AFAP1L2: variants seen among roughly 807,000 people sequenced by gnomAD.
The protein encoded by AFAP1L2 is actin filament associated protein 1 like 2.
A neutral mutation model predicts 99.3 loss-of-function variants in AFAP1L2; 46 were observed. The ratio of observed to expected loss-of-function variants is 0.46; its 90% confidence interval spans 0.37 to 0.59. The LOEUF (loss-of-function observed/expected upper bound fraction) is 0.59. Among genes scored for constraint, AFAP1L2 ranks in the 20% least tolerant of loss-of-function variants. AFAP1L2 has a pLI of 0.00. For missense variants in AFAP1L2, 959 were observed against 1,034.9 expected (o/e 0.93, Z 1.01); for synonymous variants, 397 against 419.1 (o/e 0.95, Z 0.64).
intron 5 of AFAP1L2, among the ~76,000 whole-genome samples, chr10:114,322,778 A>G (rs565056914): frequency 6.6e-6 from 1 of 152,338 alleles, no homozygotes; most frequent in South Asian, 2.1e-4. Context: ...GCTCAGACTC[A>G]GCCTGACCGC....
downstream of AFAP1L2, chr10:114,290,468 A>G: frequency 6.8e-7 from 1 of 1,468,296 alleles, no homozygotes; most frequent in Non-Finnish European, 9.2e-7. Flanking sequence ...ACATTCGTTC[A>G]GTGGAAGAAA....
intron 1 of AFAP1L2, among the ~76,000 whole-genome samples, chr10:114,394,917 G>A (rs1031737409): frequency 3.9e-5 from 6 of 152,080 alleles, no homozygotes; most frequent in Non-Finnish European, 7.4e-5. Flanking sequence ...ATCTGGAACC[G>A]TCACAGCACA....
chr10:114,384,332 C>CG (rs1320952376), intron 1 of AFAP1L2, among the ~76,000 whole-genome samples: 2 of 151,700 alleles, frequency 1.3e-5, no homozygotes. Flanking sequence ...CGTCCCCCCC[C>CG]CGCTGCAAGT....
At chr10:114,299,148 G>T in intron 16 of AFAP1L2, 112 bp downstream of exon 16, 1 of 1,345,878 alleles carries the variant, frequency 7.4e-7, no homozygotes, top group Non-Finnish European at 1.0e-6. Flanking sequence ...GGGTTGAAGG[G>T]GCCAGGGCCC....
At position 114,306,362 on chromosome 10, in the gene AFAP1L2, T is replaced by TCCAGGAGGGGAC. The variant is rs1564813061; in HGVS notation, c.1073-1433_1073-1432insGTCCCCTCCTGG. Among the ~76,000 whole-genome samples, 33 of 38,638 alleles carry TCCAGGAGGGGAC rather than the reference T, an allele frequency of 8.5e-4. No homozygotes were observed. In the Admixed American group the frequency reaches 8.7e-3, roughly 10 times the overall value. The allele number at this position is 38,638 out of a possible 152,430, so 25.3% of individuals were successfully genotyped here. A position where few individuals can be genotyped will look rare whatever the true frequency, so the allele number is the denominator to read the frequency against. On this transcript the variant is annotated intron_variant, in intron 10 of 18. Transcript: ENST00000304129. ...GAGGGGACGCGGGGGCAGGAGGGGATGCGGGGGCAGGAGGGCATGGGTGTC... is the reference window on the plus strand; with the variant it reads ...GAGGGGACGCGGGGGCAGGAGGGGATCCAGGAGGGGACGCGGGGGCAGGAGGGCATGGGTGTC...
downstream of AFAP1L2, among the ~76,000 whole-genome samples, chr10:114,292,577 G>T: frequency 6.7e-6 from 1 of 150,000 alleles, no homozygotes; most frequent in Non-Finnish European, 1.5e-5. Flanking sequence ...ATATTCTCTG[G>T]CAAACTAGAT....
chr10:114,302,167 G>C, intron 12 of AFAP1L2, 172 bp downstream of exon 12: 1 of 994,204 alleles, frequency 1.0e-6, no homozygotes. Context: ...CTCAGCTCCT[G>C]GCTCTTGGCC....
At chr10:114,327,800 A>ATC (rs1172977548) in intron 4 of AFAP1L2, among the ~76,000 whole-genome samples, 2 of 152,256 alleles carry the variant, frequency 1.3e-5, no homozygotes, top group Admixed American at 1.3e-4. Context: ...GGCTTAGACT[A>ATC]GACACAAGAG....
chr10:114,342,363 T>C (rs1360658096), intron 1 of AFAP1L2, among the ~76,000 whole-genome samples: 1 of 152,216 alleles, frequency 6.6e-6, no homozygotes, highest in Non-Finnish European at 1.5e-5. Flanking sequence ...CTGAGACACC[T>C]TCTCTGGGCC....
Position 114,340,451 on chromosome 10 carries a change from C to A in AFAP1L2, c.145+152G>T. 4.6e-6 allele frequency: 5 copies of A among 1,094,038 alleles called. No individual in the cohort carries two copies. The South Asian group carries it at 5.0e-5, about 11-fold the overall frequency. The allele number at this position is 1,094,038 out of a possible 1,614,324, so 67.8% of individuals were successfully genotyped here. A position where few individuals can be genotyped will look rare whatever the true frequency, so the allele number is the denominator to read the frequency against. The stretch of plus-strand genomic sequence containing the variant: ...CAGAAGGGACCAAACCTATTGATAC[C>A]TTGATGTTAGACTTCTGGCCTCCAG... On this transcript the variant is annotated intron_variant, in intron 2 of 18. Coordinates refer to ENST00000304129, the MANE Select transcript of AFAP1L2 (RefSeq NM_001001936.3).
intron 16 of AFAP1L2, 41 bp downstream of exon 16, chr10:114,299,219 C>T: frequency 6.2e-7 from 1 of 1,611,418 alleles, no homozygotes; most frequent in Non-Finnish European, 8.5e-7. Flanking sequence ...CCTACACGGC[C>T]CTCTGAGCTG....
intron 1 of AFAP1L2, among the ~76,000 whole-genome samples, chr10:114,383,283 A>T (rs1240754688): frequency 6.6e-6 from 1 of 151,552 alleles, no homozygotes; most frequent in Non-Finnish European, 1.5e-5. Context: ...ACTTATTACC[A>T]TAGGGGTTGG....
intron 13 of AFAP1L2, 95 bp from the exon 14 acceptor site, chr10:114,300,785 T>C: frequency 6.8e-7 from 1 of 1,473,592 alleles, no homozygotes; most frequent in African/African-American, 1.4e-5. Context: ...CTGGTGCCCA[T>C]CTCACAGTGT....
intron 1 of AFAP1L2, among the ~76,000 whole-genome samples, chr10:114,352,213 T>G (rs1046129741): frequency 1.3e-5 from 2 of 152,124 alleles, no homozygotes; most frequent in African/African-American, 2.4e-5. Flanking sequence ...GGCTCACACC[T>G]GTAATCCCAG....
chr10:114,398,479 C>A (rs1053831479), intron 1 of AFAP1L2, among the ~76,000 whole-genome samples: 2 of 152,228 alleles, frequency 1.3e-5, no homozygotes, highest in Admixed American at 1.3e-4. Context: ...GGATCAGAAC[C>A]ACATGCCAGA....
At chr10:114,342,482 C>T (rs924562272) in intron 1 of AFAP1L2, among the ~76,000 whole-genome samples, 4 of 152,214 alleles carry the variant, frequency 2.6e-5, no homozygotes, top group African/African-American at 7.2e-5. Flanking sequence ...TGCTACTTGA[C>T]GTGGCAAAGG....
chr10:114,302,541 C>T, intron 11 of AFAP1L2, 57 bp from the exon 12 acceptor site: 1 of 1,603,368 alleles, frequency 6.2e-7, no homozygotes, highest in South Asian at 1.1e-5. Context: ...CTGGTGCCAG[C>T]CCCTCCCCAC....
chr10:114,374,063 A>G (rs2054488879), intron 1 of AFAP1L2, among the ~76,000 whole-genome samples: 1 of 152,084 alleles, frequency 6.6e-6, no homozygotes, highest in African/African-American at 2.4e-5. Context: ...ACACAGCCCC[A>G]TAAGCTAAAA....
At chr10:114,306,658 GA>G (rs1245596286) in intron 10 of AFAP1L2, among the ~76,000 whole-genome samples, 1 of 151,958 alleles carries the variant, frequency 6.6e-6, no homozygotes. Context: ...CAATCCTCTG[GA>G]CCACAGAGAA....
Sources: gnomAD v4.1 joint callset for allele counts (sites outside exome capture counted in the v4.1 genomes callset) on GRCh38, gnomAD v4.1.1 for gene constraint, MANE v1.5 for transcripts, NCBI Gene and HGNC (gene_info 2026-07-23, HGNC 2026-07-21) for gene names.